Variants in MROH1 observed in about 807,000 individuals in gnomAD.
MROH1 encodes the protein maestro heat-like repeat-containing protein family member 1.
Under a neutral mutation model 116.5 loss-of-function variants are expected in MROH1, and 117 were observed. The ratio of observed to expected loss-of-function variants is 1.00; its 90% CI spans 0.86 to 1.17. MROH1 has a LOEUF of 1.17. Among genes scored for constraint, MROH1 ranks in the 50% most tolerant of loss-of-function variants. The pLI is 0.00. For synonymous variants in MROH1, 921 were observed against 583.9 expected, an observed-to-expected ratio of 1.58 and a Z score of -8.32; for missense variants, 1,873 against 1,338.5, an observed-to-expected ratio of 1.40 and a Z score of -6.23.
At chr8:144,213,754 C>T (rs931200389) in intron 12 of MROH1, among the ~76,000 whole-genome samples, 1 of 152,016 alleles carries the variant, frequency 6.6e-6, no homozygotes, top group African/African-American at 2.4e-5. Context: ...ACACACTGCA[C>T]TCCAGCCTGG....
chr8:144,178,111 C>A (rs1824523560), intron 4 of MROH1, among the ~76,000 whole-genome samples: 2 of 151,480 alleles, frequency 1.3e-5, no homozygotes, highest in Admixed American at 1.3e-4. Context: ...AGGTGCCGGC[C>A]ACTGTGACTG....
At chr8:144,178,624 G>C (rs1038283509) in intron 4 of MROH1, among the ~76,000 whole-genome samples, 3 of 152,220 alleles carry the variant, frequency 2.0e-5, no homozygotes, top group Admixed American at 2.0e-4. Flanking sequence ...CAGAGCCTGT[G>C]GGCCTCTGGG....
intron 14 of MROH1, among the ~76,000 whole-genome samples, chr8:144,230,062 C>T (rs1838562766): frequency 1.4e-5 from 2 of 142,012 alleles, no homozygotes; most frequent in Non-Finnish European, 3.2e-5. Flanking sequence ...AATAATAATG[C>T]TCTTTGCTAA....
At chr8:144,245,742 C>T (rs2133037867) in intron 29 of MROH1, among the ~76,000 whole-genome samples, 1 of 152,280 alleles carries the variant, frequency 6.6e-6, no homozygotes, top group Non-Finnish European at 1.5e-5. Flanking sequence ...TCACTGCAGC[C>T]TGGAACTCCT....
intron 12 of MROH1, among the ~76,000 whole-genome samples, chr8:144,206,425 CT>C (rs1054589954): frequency 2.1e-3 from 288 of 137,384 alleles, no homozygotes; most frequent in Middle Eastern, 4.0e-3. Flanking sequence ...TGTTCATGTT[CT>C]TTTTTTTTTT....
At chr8:144,223,010 A>T (rs1837112065) in intron 13 of MROH1, 98 bp from the exon 14 acceptor site, 6 of 1,535,480 alleles carry the variant, frequency 3.9e-6, no homozygotes, top group Admixed American at 1.9e-5. Context: ...ACATGTGTGG[A>T]TGTGGGTGGG....
chr8:144,195,459 G>A (rs1335303695), intron 10 of MROH1, among the ~76,000 whole-genome samples: 1 of 125,722 alleles, frequency 8.0e-6, no homozygotes, highest in East Asian at 2.7e-4. Context: ...CTGAGATCAC[G>A]CCACTGCACT....
rs1480680386 is a variant in MROH1 at position 144,210,136 on chromosome 8, C to G, written c.1141+9595C>G. Among the ~76,000 whole-genome samples, 5 of 151,920 alleles carry G rather than the reference C, an allele frequency of 3.3e-5. 1 individual carries two copies. The highest frequency in any genetic ancestry group is 1.5e-5 in the Non-Finnish European group (1 of 67,992). ...ATCACTCCCTTATGATTAGCTGTGT[C>G]CACTTTAAAAGCCTACCTATGGCCG... On this transcript the variant is annotated intron_variant, in intron 12 of 43. Coordinates refer to ENST00000326134, the MANE Select transcript of MROH1 (RefSeq NM_032450.3).
Position 144,168,288 on chromosome 8 carries a change from G to A in MROH1, c.23-7G>A, listed in dbSNP as rs6982878. ...CTGAGCATGCTAACCAGGCTTTGTC[G>A]CTGCAGAGCTGGCCTCCACCCTGCT... On this transcript the variant is annotated splice_polypyrimidine_tract_variant and splice_region_variant and intron_variant, in intron 3 of 43. Coordinates refer to ENST00000326134, the MANE Select transcript of MROH1 (RefSeq NM_032450.3). 0.97 allele frequency: 1,546,620 copies of A among 1,590,562 alleles called. 760,807 individuals are homozygous for A. Among genetic ancestry groups the A allele is most frequent in the East Asian group, 1 (44,452 of 44,454 alleles).
chr8:144,205,333 T>A (rs1832580603), intron 12 of MROH1, among the ~76,000 whole-genome samples: 1 of 152,204 alleles, frequency 6.6e-6, no homozygotes, highest in Non-Finnish European at 1.5e-5. Flanking sequence ...TTTAAGTGGC[T>A]GGGTATAAAA....
At chr8:144,181,130 C>G (rs1402133508) in intron 7 of MROH1, among the ~76,000 whole-genome samples, 1 of 152,168 alleles carries the variant, frequency 6.6e-6, no homozygotes, top group African/African-American at 2.4e-5. Flanking sequence ...CCTCGTGCTC[C>G]CGGTGTCCCA....
At position 144,261,854 on chromosome 8, in the gene MROH1, A is replaced by T. The variant is rs1216392622; in HGVS notation, c.*114A>T. ...CACACGACTGGAGGGGCCTGGCCCC[A>T]GAACAGGCACTGCTGGGGACCAAAC... On this transcript the variant is annotated 3_prime_UTR_variant, in exon 44 of 44. Coordinates refer to ENST00000326134, the MANE Select transcript of MROH1 (RefSeq NM_032450.3). 2.9e-6 allele frequency: 2 copies of T among 693,528 alleles called. No individual in the cohort carries two copies. The highest frequency in any genetic ancestry group is 2.0e-5 in the Admixed American group (1 of 48,998). The allele number at this position is 693,528 out of a possible 1,614,324, so 43.0% of individuals were successfully genotyped here.
chr8:144,171,438 G>T (rs148604075), intron 4 of MROH1, among the ~76,000 whole-genome samples: 1 of 152,348 alleles, frequency 6.6e-6, no homozygotes, highest in African/African-American at 2.4e-5. Flanking sequence ...AGGCACCTGC[G>T]TGGGTTCCGC....
At chr8:144,176,857 A>G (rs1824107012) in intron 4 of MROH1, among the ~76,000 whole-genome samples, 1 of 151,976 alleles carries the variant, frequency 6.6e-6, no homozygotes, top group Non-Finnish European at 1.5e-5. Flanking sequence ...ATGATTCTCT[A>G]ATACAGAATT....
chr8:144,207,931 G>GT (rs952516623), intron 12 of MROH1, among the ~76,000 whole-genome samples: 72 of 142,366 alleles, frequency 5.1e-4, no homozygotes, highest in African/African-American at 1.4e-3. Flanking sequence ...GGCAAGGTGT[G>GT]TTTTTTTTTA....
In MROH1 at chr8:144,241,499, C is replaced by T; in HGVS notation, c.2160C>T (p.Gly720=). ...VRSEVFRKSI[G]ILNIFKDRSE... is the part of the protein sequence containing the mutation. ...CAGAGGTCTTCAGAAAATCCATTGG[C>T]ATTCTCAACATTTTTAAGGTTAGGG... Residue 720 remains glycine, a synonymous_variant, in exon 22 of 44, where the codon GGC becomes GGT. Transcript: ENST00000326134. The T allele has an allele frequency of 1.3e-6, 1 of 778,632 alleles. No individual in the cohort carries two copies. 48.2% of individuals were successfully genotyped at this position (778,632 alleles called of 1,614,324 possible).
intron 28 of MROH1, 29 bp from the exon 29 acceptor site, chr8:144,245,127 A>C (rs1272170451): frequency 3.9e-6 from 3 of 778,568 alleles, no homozygotes; most frequent in Non-Finnish European, 7.2e-6. Context: ...CCCTCTGAGC[A>C]GTACCTGTGT....
chr8:144,256,266 C>G (rs902922639), intron 35 of MROH1, among the ~76,000 whole-genome samples: 2 of 152,150 alleles, frequency 1.3e-5, no homozygotes, highest in Non-Finnish European at 2.9e-5. Context: ...CCCAGGACCA[C>G]GAGCCCATGT....
chr8:144,244,020 A>G (rs1408072224), intron 26 of MROH1, 78 bp downstream of exon 26: 5 of 746,622 alleles, frequency 6.7e-6, no homozygotes, highest in Non-Finnish European at 1.0e-5. Context: ...GTGCACGTGT[A>G]TGCGCGTGTG....
Sources: allele counts gnomAD v4.1 joint callset (sites outside exome capture counted in the v4.1 genomes callset), GRCh38; gene constraint gnomAD v4.1.1; transcripts MANE v1.5; gene names NCBI Gene and HGNC (gene_info 2026-07-23, HGNC 2026-07-21).